Variants in MACROD1 observed in about 807,000 individuals in gnomAD.
MACROD1 encodes ADP-ribose glycohydrolase MACROD1.
Under a neutral mutation model 41.4 loss-of-function variants are expected in MACROD1, and 31 were observed. The observed-to-expected ratio is 0.75, with a 90% CI of 0.56 to 1.01. MACROD1 has a LOEUF of 1.01. Among genes scored for constraint, MACROD1 ranks in the 50% least tolerant of loss-of-function variants. MACROD1 has a pLI of 0.00. For synonymous variants in MACROD1, 252 were observed against 203.4 expected, an observed-to-expected ratio of 1.24 and a Z score of -2.03; for missense variants, 473 against 460.0, an observed-to-expected ratio of 1.03 and a Z score of -0.26.
chr11:64,063,502 A>G (rs946972920), intron 3 of MACROD1, among the ~76,000 whole-genome samples: 13 of 152,164 alleles, frequency 8.5e-5, no homozygotes, highest in Admixed American at 4.6e-4. Flanking sequence ...GGGGAAAGGC[A>G]TCCTGGCAAA....
chr11:64,038,984 T>TG (rs1943434374), intron 3 of MACROD1, among the ~76,000 whole-genome samples: 2 of 152,002 alleles, frequency 1.3e-5, no homozygotes, highest in Admixed American at 1.3e-4. Context: ...TGCCTAGCAA[T>TG]GTGGGGCCCT....
intron 3 of MACROD1, among the ~76,000 whole-genome samples, chr11:64,040,776 G>T (rs1033117735): frequency 1.3e-5 from 2 of 152,158 alleles, no homozygotes; most frequent in East Asian, 1.9e-4. Context: ...GTGGGCTGGG[G>T]TGCAGGCAGA....
At chr11:64,056,941 C>G (rs1437972894) in intron 3 of MACROD1, among the ~76,000 whole-genome samples, 1 of 152,204 alleles carries the variant, frequency 6.6e-6, no homozygotes, top group Non-Finnish European at 1.5e-5. Context: ...GACAGCCCCT[C>G]CTTTGCTCCC....
At chr11:64,080,637 C>T (rs1007810676) in intron 3 of MACROD1, among the ~76,000 whole-genome samples, 12 of 152,220 alleles carry the variant, frequency 7.9e-5, no homozygotes, top group African/African-American at 1.9e-4. Flanking sequence ...GATACAGTTA[C>T]GTTTATGAGC....
chr11:64,127,597 A>AC (rs1945205474), intron 3 of MACROD1, among the ~76,000 whole-genome samples: 1 of 152,152 alleles, frequency 6.6e-6, no homozygotes, highest in African/African-American at 2.4e-5. Context: ...CTCTGTCCCC[A>AC]CCCACAGGCC....
At chr11:64,145,709 T>C (rs1037061706) in intron 3 of MACROD1, among the ~76,000 whole-genome samples, 2 of 152,146 alleles carry the variant, frequency 1.3e-5, no homozygotes, top group African/African-American at 4.8e-5. Context: ...CCTGTCCTCT[T>C]ATGACATGAA....
At chr11:64,085,586 G>C (rs918743508) in intron 3 of MACROD1, among the ~76,000 whole-genome samples, 1 of 152,224 alleles carries the variant, frequency 6.6e-6, no homozygotes, top group African/African-American at 2.4e-5. Context: ...GTCCACCCCA[G>C]GCCGCAGCGT....
At chr11:64,085,020 T>C (rs1944369612) in intron 3 of MACROD1, among the ~76,000 whole-genome samples, 2 of 152,242 alleles carry the variant, frequency 1.3e-5, no homozygotes, top group African/African-American at 4.8e-5. Context: ...ATGGGTCCTA[T>C]TATCCCCATT....
chr11:64,141,563 G>A (rs60394481), intron 3 of MACROD1, among the ~76,000 whole-genome samples: 16,782 of 152,246 alleles, frequency 0.11, 1,163 homozygotes, highest in Non-Finnish European at 0.16. Flanking sequence ...CCAGGAGAGC[G>A]AGCCAAGGGC....
chr11:64,002,268 G>A (rs561244544), intron 4 of MACROD1, among the ~76,000 whole-genome samples: 22 of 152,178 alleles, frequency 1.4e-4, no homozygotes, highest in Admixed American at 9.8e-4. Flanking sequence ...CCCTGCAGGC[G>A]ACCTCGGCCA....
At chr11:64,071,420 G>A (rs551626946) in intron 3 of MACROD1, among the ~76,000 whole-genome samples, 3 of 152,318 alleles carry the variant, frequency 2.0e-5, no homozygotes, top group South Asian at 2.1e-4. Context: ...TGGAGACCCA[G>A]TGTCTACCCT....
intron 3 of MACROD1, among the ~76,000 whole-genome samples, chr11:64,065,446 C>CTCT (rs1943980890): frequency 6.6e-6 from 1 of 152,140 alleles, no homozygotes; most frequent in South Asian, 2.1e-4. Context: ...ACTGAGGCTC[C>CTCT]AGAGAGCCTG....
chr11:64,079,790 T>C (rs1013341261), intron 3 of MACROD1, among the ~76,000 whole-genome samples: 4 of 152,074 alleles, frequency 2.6e-5, no homozygotes, highest in African/African-American at 9.7e-5. Flanking sequence ...CACTTCCATC[T>C]GGAGGTACAG....
At chr11:64,088,380 G>A (rs553355519) in intron 3 of MACROD1, among the ~76,000 whole-genome samples, 261 of 152,288 alleles carry the variant, frequency 1.7e-3, no homozygotes, top group African/African-American at 5.9e-3. Context: ...GACTGTCTGC[G>A]GGCCTCGGGG....
intron 3 of MACROD1, among the ~76,000 whole-genome samples, chr11:64,015,577 C>T (rs928556445): frequency 2.0e-5 from 3 of 152,258 alleles, no homozygotes; most frequent in East Asian, 3.9e-4. Flanking sequence ...AGATGGCCCC[C>T]GCCACGGCCC....
intron 3 of MACROD1, among the ~76,000 whole-genome samples, chr11:64,057,779 C>T (rs369521903): frequency 4.7e-4 from 71 of 152,336 alleles, no homozygotes; most frequent in African/African-American, 1.5e-3. Flanking sequence ...ACTTGTTGAG[C>T]GCTTACTCTG....
Position 64,033,107 on chromosome 11 carries a change from C to T in MACROD1, c.518-17826G>A, listed in dbSNP as rs1290527458. Among the ~76,000 whole-genome samples, 3 of 152,252 alleles carry T rather than the reference C, an allele frequency of 2.0e-5. No individual in the cohort carries two copies. In the East Asian group the frequency reaches 5.8e-4, roughly 29 times the overall value. On this transcript the variant is annotated intron_variant, in intron 3 of 10. Transcript: ENST00000255681. ...CTGAGGAAGCTGATGTCAAAATCGA[C>T]TTGGCCCTCTGTCTTGGGGTCACGA... is the stretch of plus-strand genomic sequence containing the variant.
intron 3 of MACROD1, among the ~76,000 whole-genome samples, chr11:64,092,874 C>T (rs752652485): frequency 1.7e-4 from 26 of 152,246 alleles, no homozygotes; most frequent in African/African-American, 6.0e-4. Context: ...AATGGGTAAC[C>T]GCTGGAGTGA....
chr11:64,076,964 C>A (rs529558761), intron 3 of MACROD1, among the ~76,000 whole-genome samples: 1 of 152,166 alleles, frequency 6.6e-6, no homozygotes, highest in East Asian at 1.9e-4. Context: ...TGGGTTATCA[C>A]CTCCTAAAAA....
Sources: allele counts gnomAD v4.1 joint callset (sites outside exome capture counted in the v4.1 genomes callset), GRCh38; gene constraint gnomAD v4.1.1; transcripts MANE v1.5; gene names NCBI Gene and HGNC (gene_info 2026-07-23, HGNC 2026-07-21).